The following AEBP2 variants were observed in gnomAD, a reference collection of about 807,000 sequenced individuals.
AEBP2 encodes zinc finger protein AEBP2.
Under a neutral mutation model 50.8 loss-of-function variants are expected in AEBP2, and 10 were observed. The ratio of observed to expected loss-of-function variants is 0.20; its 90% confidence interval spans 0.12 to 0.33. The LOEUF (loss-of-function observed/expected upper bound fraction) is 0.33, where lower values mean the gene tolerates loss of function less well. Among genes scored for constraint, AEBP2 ranks in the 10% least tolerant of loss-of-function variants. The pLI, the probability that AEBP2 is intolerant of heterozygous loss-of-function variation, is 1.00. For synonymous variants in AEBP2, 296 were observed against 261.3 expected, an observed-to-expected ratio of 1.13 and a Z score of -1.28; for missense variants, 570 against 688.0, an observed-to-expected ratio of 0.83 and a Z score of 1.92.
intron 4 of AEBP2, among the ~76,000 whole-genome samples, chr12:19,494,627 G>A (rs577963285): frequency 1.8e-3 from 274 of 150,830 alleles, no homozygotes; most frequent in Admixed American, 2.1e-3. Flanking sequence ...GTGATTGCCT[G>A]TCTCGGCCTC....
At chr12:19,446,670 T>C (rs1297393255) in intron 1 of AEBP2, among the ~76,000 whole-genome samples, 3 of 149,312 alleles carry the variant, frequency 2.0e-5, no homozygotes, top group Non-Finnish European at 4.4e-5. Flanking sequence ...AGGCGGAGCT[T>C]GCAGTGAGCA....
chr12:19,469,974 CAGT>C (rs1190731012), intron 2 of AEBP2, among the ~76,000 whole-genome samples: 11 of 152,100 alleles, frequency 7.2e-5, no homozygotes, highest in South Asian at 2.1e-4. Context: ...TTAATTTTAA[CAGT>C]AGGAGAGTTT....
intron 1 of AEBP2, 28 bp downstream of exon 1, chr12:19,440,398 C>T (rs768586142): frequency 7.5e-6 from 11 of 1,465,014 alleles, no homozygotes; most frequent in Admixed American, 2.4e-5. Flanking sequence ...TTTCCCCTTC[C>T]CTTCCTCCTC....
chr12:19,516,746 G>C (rs985117367), intron 7 of AEBP2, among the ~76,000 whole-genome samples: 13 of 152,294 alleles, frequency 8.5e-5, no homozygotes, highest in Admixed American at 4.6e-4. Flanking sequence ...AGCCGTCTTG[G>C]CCCGGTGAGG....
At chr12:19,448,694 C>G (rs1426670062) in intron 1 of AEBP2, among the ~76,000 whole-genome samples, 2 of 151,900 alleles carry the variant, frequency 1.3e-5, no homozygotes, top group African/African-American at 4.8e-5. Flanking sequence ...TTTGTTTGTA[C>G]TTCGAGACAG....
intron 3 of AEBP2, among the ~76,000 whole-genome samples, chr12:19,473,751 G>A (rs538507483): frequency 6.6e-6 from 1 of 151,956 alleles, no homozygotes; most frequent in Admixed American, 6.6e-5. Flanking sequence ...TTTCCTAATA[G>A]GCATAATTAA....
At chr12:19,511,389 C>G (rs780432126) in intron 5 of AEBP2, among the ~76,000 whole-genome samples, 7 of 152,024 alleles carry the variant, frequency 4.6e-5, no homozygotes, top group Non-Finnish European at 1.0e-4. Context: ...GGAAACTGTT[C>G]TCAGTATGAG....
chr12:19,404,140 A>G (rs1430586676), exon 1 of AEBP2: 1 of 152,164 alleles, frequency 6.6e-6, no homozygotes, highest in East Asian at 1.9e-4. Flanking sequence ...TATATCGCAG[A>G]TCTCACTTGG....
chr12:19,462,448 T>C (rs1948396104), intron 1 of AEBP2, 62 bp from the exon 2 acceptor site: 1 of 1,332,434 alleles, frequency 7.5e-7, no homozygotes, highest in African/African-American at 1.5e-5. Flanking sequence ...TAAATATTTA[T>C]AAGATCATAT....
intron 1 of AEBP2, among the ~76,000 whole-genome samples, chr12:19,455,148 C>G (rs1948244468): frequency 6.6e-6 from 1 of 151,040 alleles, no homozygotes; most frequent in African/African-American, 2.4e-5. Context: ...CACATACCAA[C>G]ATGCCCAGCT....
chr12:19,509,008 T>A (rs1009611748), intron 5 of AEBP2: 29 of 544,716 alleles, frequency 5.3e-5, no homozygotes, highest in Non-Finnish European at 9.6e-5. Context: ...ACCTTTTTAC[T>A]AAGAACGTTG....
At chr12:19,471,883 G>A (rs1948578956) in intron 2 of AEBP2, among the ~76,000 whole-genome samples, 4 of 152,012 alleles carry the variant, frequency 2.6e-5, no homozygotes, top group Admixed American at 2.6e-4. Context: ...ATTTTTAAAA[G>A]TTACTTTTAA....
chr12:19,489,989 A>C (rs1441002208), intron 3 of AEBP2, among the ~76,000 whole-genome samples: 1 of 95,374 alleles, frequency 1.0e-5, no homozygotes, highest in African/African-American at 4.2e-5. Flanking sequence ...ATTAAAATAA[A>C]CTTTTTTTTT....
intron 5 of AEBP2, among the ~76,000 whole-genome samples, chr12:19,508,046 A>C (rs10505839): frequency 0.048 from 7,341 of 152,170 alleles, 389 homozygotes; most frequent in Admixed American, 0.15. Flanking sequence ...CCTAGTTACC[A>C]ATCAGTTGGC....
At chr12:19,428,796 A>G (rs2095749917) in intron 1 of AEBP2, among the ~76,000 whole-genome samples, 1 of 152,028 alleles carries the variant, frequency 6.6e-6, no homozygotes, top group Non-Finnish European at 1.5e-5. Flanking sequence ...CTAGGCTACA[A>G]GAGTGAAACT....
chr12:19,408,628 G>A (rs149212800), intron 1 of AEBP2, among the ~76,000 whole-genome samples: 210 of 152,062 alleles, frequency 1.4e-3, no homozygotes, highest in African/African-American at 4.8e-3. Context: ...AAGGCCGGGC[G>A]CGGTGACTCA....
At chr12:19,466,481 A>G (rs1160087265) in intron 2 of AEBP2, among the ~76,000 whole-genome samples, 3 of 152,196 alleles carry the variant, frequency 2.0e-5, no homozygotes, top group South Asian at 2.1e-4. Flanking sequence ...TTTTTAATGT[A>G]TAGTTCAGGG....
intron 3 of AEBP2, 58 bp from the exon 4 acceptor site, chr12:19,493,742 A>T (rs568153876): frequency 1.3e-6 from 2 of 1,495,626 alleles, no homozygotes; most frequent in South Asian, 1.2e-5. Flanking sequence ...ACTCATTGAT[A>T]TTCTTCTCGT....
chr12:19,466,710 AT>A (rs1565717243), intron 2 of AEBP2: 2 of 801,198 alleles, frequency 2.5e-6, no homozygotes, highest in Non-Finnish European at 3.0e-6. Context: ...TGGCCTAATT[AT>A]TTTTTTAGAT....
Sources: gnomAD v4.1 joint callset for allele counts (sites outside exome capture counted in the v4.1 genomes callset) on GRCh38, gnomAD v4.1.1 for gene constraint, MANE v1.5 for transcripts, NCBI Gene and HGNC (gene_info 2026-07-23, HGNC 2026-07-21) for gene names.